The following AGTPBP1 variants were observed in gnomAD, a reference collection of about 807,000 sequenced individuals.
AGTPBP1 encodes the protein cytosolic carboxypeptidase 1.
In AGTPBP1, 70 loss-of-function variants were observed where a neutral mutation model predicts 143.9. That is an observed-to-expected ratio of 0.49 (90% CI 0.40 to 0.59). The LOEUF (loss-of-function observed/expected upper bound fraction) is 0.59, where lower values mean the gene tolerates loss of function less well. Among genes scored for constraint, AGTPBP1 ranks in the 20% least tolerant of loss-of-function variants. The pLI, the probability that AGTPBP1 is intolerant of heterozygous loss-of-function variation, is 0.00. For missense variants in AGTPBP1, 1,229 were observed against 1,464.5 expected (o/e 0.84, Z 2.62); for synonymous variants, 463 against 500.2 (o/e 0.93, Z 0.99).
At chr9:85,597,390 C>T (rs1829363677) in intron 17 of AGTPBP1, among the ~76,000 whole-genome samples, 1 of 151,670 alleles carries the variant, frequency 6.6e-6, no homozygotes, top group Non-Finnish European at 1.5e-5. Flanking sequence ...TCATTTTCTC[C>T]TCTTACTACA....
At chr9:85,726,830 G>C (rs1383841532) in intron 1 of AGTPBP1, among the ~76,000 whole-genome samples, 1 of 152,158 alleles carries the variant, frequency 6.6e-6, no homozygotes, top group Non-Finnish European at 1.5e-5. Flanking sequence ...GAGGCAGCAA[G>C]TTACATAGTA....
intron 23 of AGTPBP1, among the ~76,000 whole-genome samples, chr9:85,581,321 T>C (rs1211102405): frequency 6.6e-6 from 1 of 152,232 alleles, no homozygotes; most frequent in Non-Finnish European, 1.5e-5. Context: ...CACCATATTT[T>C]GGCCAAGGCC....
intron 1 of AGTPBP1, among the ~76,000 whole-genome samples, chr9:85,739,311 G>C (rs905881304): frequency 2.0e-5 from 3 of 152,186 alleles, no homozygotes; most frequent in Admixed American, 6.5e-5. Flanking sequence ...CCTCTGACAG[G>C]TGCATCCATT....
intron 3 of AGTPBP1, among the ~76,000 whole-genome samples, chr9:85,682,300 A>G (rs184152832): frequency 8.5e-5 from 13 of 152,234 alleles, no homozygotes; most frequent in African/African-American, 3.1e-4. Flanking sequence ...AACATTTAGA[A>G]AAGGAACTAA....
rs200123422 is a variant in AGTPBP1, at chr9:85,596,426, C to T, written c.2359G>A (p.Val787Ile). 53 of 1,608,254 alleles carry T rather than the reference C, an allele frequency of 3.3e-5. No individual in the cohort carries two copies. In the African/African-American group the frequency reaches 6.7e-4, roughly 20 times the overall value. Residue 787 changes from valine to isoleucine, a missense_variant, in exon 18 of 26, where the codon GTT (valine) becomes ATT (isoleucine). By Grantham distance (29) the Val-to-Ile change is conservative (BLOSUM62 3). This residue lies in a region of AGTPBP1 where 486 missense variants were observed against 652.3 expected (regional missense o/e 0.75). Coordinates refer to ENST00000357081, the MANE Select transcript of AGTPBP1 (RefSeq NM_001330701.2). ...NYGMQPLMYSVQEALNARPWW... is the reference protein window; with the variant it reads ...NYGMQPLMYSIQEALNARPWW... ...GGTCTGGCATTTAATGCTTCCTGAA[C>T]CGAATACATGAGTGGTTGCATACCT...
intron 2 of AGTPBP1, 52 bp downstream of exon 2, chr9:85,712,450 G>T: frequency 1.0e-6 from 1 of 955,776 alleles, no homozygotes. Context: ...AAGTAATTCT[G>T]TCATACATTA....
At chr9:85,557,422 A>G (rs944158517) in intron 25 of AGTPBP1, among the ~76,000 whole-genome samples, 8 of 152,174 alleles carry the variant, frequency 5.3e-5, no homozygotes, top group Non-Finnish European at 1.0e-4. Flanking sequence ...AGCAACTACG[A>G]TTTCCAAAGT....
At chr9:85,764,437 G>A in the AGTPBP1 span, among the ~76,000 whole-genome samples, 3 of 152,234 alleles carry the variant, frequency 2.0e-5, no homozygotes, top group Non-Finnish European at 2.9e-5. Context: ...GGCTGAAGCA[G>A]GAGAATCGCT....
intron 17 of AGTPBP1, among the ~76,000 whole-genome samples, chr9:85,607,970 CT>C (rs1285257812): frequency 6.6e-6 from 1 of 152,094 alleles, no homozygotes; most frequent in Non-Finnish European, 1.5e-5. Flanking sequence ...ATTCAGGTGG[CT>C]GCCATTATCC....
At chr9:85,564,627 C>T (rs1005504768) in intron 25 of AGTPBP1, among the ~76,000 whole-genome samples, 12 of 152,152 alleles carry the variant, frequency 7.9e-5, no homozygotes, top group African/African-American at 2.7e-4. Context: ...GTATTCCATA[C>T]GGTCACATGC....
At chr9:85,664,480 A>G (rs1211305123) in intron 8 of AGTPBP1, among the ~76,000 whole-genome samples, 1 of 152,192 alleles carries the variant, frequency 6.6e-6, no homozygotes, top group African/African-American at 2.4e-5. Context: ...AAACATTTTT[A>G]TGGGACCCTA....
chr9:85,748,217 T>C, the AGTPBP1 span, among the ~76,000 whole-genome samples: 1 of 152,190 alleles, frequency 6.6e-6, no homozygotes, highest in Non-Finnish European at 1.5e-5. Flanking sequence ...TCCAGCACAG[T>C]TCAGCACTCC....
the AGTPBP1 span, chr9:85,793,460 C>T: frequency 6.6e-6 from 1 of 152,230 alleles, no homozygotes; most frequent in African/African-American, 2.4e-5. Context: ...GAGGGAAGCT[C>T]GTTCCCCTTA....
the AGTPBP1 span, chr9:85,756,354 G>C: frequency 1.0e-5 from 13 of 1,283,204 alleles, no homozygotes; most frequent in South Asian, 2.6e-4. Flanking sequence ...TGTGGGAGGA[G>C]GTGGAGAAAT....
intron 25 of AGTPBP1, chr9:85,553,795 A>G: frequency 6.6e-6 from 1 of 152,226 alleles, no homozygotes; most frequent in East Asian, 1.9e-4. Context: ...TATAAGATAC[A>G]ATAAAGGAAC....
the AGTPBP1 span, among the ~76,000 whole-genome samples, chr9:85,790,056 A>G: frequency 1.3e-5 from 2 of 152,188 alleles, no homozygotes; most frequent in Non-Finnish European, 2.9e-5. Context: ...TGGACTTTTT[A>G]AAAAAATTCA....
At chr9:85,556,694 G>A (rs1826365519) in intron 25 of AGTPBP1, among the ~76,000 whole-genome samples, 1 of 152,148 alleles carries the variant, frequency 6.6e-6, no homozygotes, top group South Asian at 2.1e-4. Context: ...AACAAAGCTG[G>A]CTTTAAAGCA....
At chr9:85,764,941 T>C in the AGTPBP1 span, 13 of 922,058 alleles carry the variant, frequency 1.4e-5, no homozygotes, top group Non-Finnish European at 2.4e-5. Flanking sequence ...TCAGTATTCT[T>C]TGGAACTGGA....
intron 19 of AGTPBP1, among the ~76,000 whole-genome samples, chr9:85,591,698 C>G (rs1163002092): frequency 6.6e-6 from 1 of 152,008 alleles, no homozygotes; most frequent in Non-Finnish European, 1.5e-5. Flanking sequence ...TACAGTAAGC[C>G]TCATTTAATG....
Sources: allele counts gnomAD v4.1 joint callset (sites outside exome capture counted in the v4.1 genomes callset), GRCh38; gene constraint gnomAD v4.1.1; regional missense constraint gnomAD v4.1.1; transcripts MANE v1.5; gene names NCBI Gene and HGNC (gene_info 2026-07-23, HGNC 2026-07-21).